The following RFWD3 variants were observed in gnomAD, a reference collection of about 807,000 sequenced individuals.
RFWD3 encodes ring finger and WD repeat domain 3.
Under a neutral mutation model 87.7 loss-of-function variants are expected in RFWD3, and 65 were observed. That is an observed-to-expected ratio of 0.74 (90% confidence interval 0.61 to 0.91). RFWD3 has a LOEUF of 0.91. Among genes scored for constraint, RFWD3 ranks in the 40% least tolerant of loss-of-function variants. RFWD3 has a pLI of 0.00. For synonymous variants in RFWD3, 433 were observed against 352.8 expected (o/e 1.23, Z -2.55); for missense variants, 1,078 against 938.5 (o/e 1.15, Z -1.94).
chr16:74,644,717 C>G lies in RFWD3; in HGVS notation c.811G>C (p.Glu271Gln). 16 of 1,613,972 alleles carry G rather than the reference C, an allele frequency of 9.9e-6. No homozygotes were observed. The highest frequency in any genetic ancestry group is 1.4e-5 in the Non-Finnish European group (16 of 1,179,906). Residue 271 changes from glutamate (E) to glutamine (Q), a missense_variant, in exon 5 of 13, where the codon GAG becomes CAG. Coordinates refer to ENST00000361070, the MANE Select transcript of RFWD3 (RefSeq NM_018124.4). Reference protein sequence around the residue: ...LPKQPSPQKSEPLLPSASMDE... With the variant: ...LPKQPSPQKSQPLLPSASMDE... ...ATAGAAGCAGAAGGTAGCAGAGGCTCAGACTTCTGGGGAGATGGCTAGATG... is the reference window on the plus strand; with the variant it reads ...ATAGAAGCAGAAGGTAGCAGAGGCTGAGACTTCTGGGGAGATGGCTAGATG...
intron 11 of RFWD3, 62 bp downstream of exon 11, chr16:74,628,390 C>T (rs998733074): frequency 2.3e-5 from 35 of 1,514,162 alleles, no homozygotes; most frequent in Non-Finnish European, 3.1e-5. Flanking sequence ...ATCAAACCCT[C>T]CTTCCCTTTT....
intron 9 of RFWD3, among the ~76,000 whole-genome samples, 162 bp from the exon 10 acceptor site, chr16:74,631,119 C>T (rs992266060): frequency 2.6e-5 from 4 of 152,208 alleles, no homozygotes; most frequent in Non-Finnish European, 4.4e-5. Flanking sequence ...GCCCAGGTAA[C>T]TCCTTTAAAT....
rs778680421 is a variant in RFWD3 at position 74,630,829 on chromosome 16, AC to A, written c.1705del (p.Val569CysfsTer11). 6.2e-7 allele frequency: 1 copy of A among 1,613,248 alleles called. No homozygotes were observed. Among genetic ancestry groups the A allele is most frequent in the South Asian group, 1.1e-5 (1 of 90,938 alleles). ...LANGSILVYDVRNTSSHVQEL... is the reference protein window; with the variant it reads ...LANGSILVYDXRNTSSHVQEL... ...CTGCACATGACTGCTCGTGTTTCGC[AC>A]GTCATATACCAGAATTGAACCATTG... On this transcript the variant is annotated frameshift_variant, in exon 10 of 13. Coordinates refer to ENST00000361070, the MANE Select transcript of RFWD3 (RefSeq NM_018124.4). LOFTEE classifies it high-confidence loss of function.
rs1471596203 is a variant in RFWD3 at position 74,621,825 on chromosome 16, G to C, written c.*2103C>G. 2 of 152,174 alleles carry C rather than the reference G, an allele frequency of 1.3e-5. No individual in the cohort carries two copies. The highest frequency in any genetic ancestry group is 2.9e-5 in the Non-Finnish European group (2 of 68,114). The allele number at this position is 152,174 out of a possible 1,614,324, so 9.4% of individuals were successfully genotyped here. A position where few individuals can be genotyped will look rare whatever the true frequency, so the allele number is the denominator to read the frequency against. Reference sequence around the variant, plus strand: ...TTCTCCTGCCTCAGCCTCCCAAGTAGCTGGGACTACAGGCATGCGCACCAC... The same window carrying C: ...TTCTCCTGCCTCAGCCTCCCAAGTACCTGGGACTACAGGCATGCGCACCAC... On this transcript the variant is annotated 3_prime_UTR_variant, in exon 13 of 13. Transcript: ENST00000361070.
At chr16:74,649,739 A>G (rs1203718778) in intron 3 of RFWD3, among the ~76,000 whole-genome samples, 1 of 152,206 alleles carries the variant, frequency 6.6e-6, no homozygotes, top group East Asian at 1.9e-4. Context: ...TTGCAATCAG[A>G]ATCCAAAAAA....
At chr16:74,643,877 C>T (rs778044131) in intron 6 of RFWD3, 5 of 166,840 alleles carry the variant, frequency 3.0e-5, no homozygotes, top group Non-Finnish European at 6.6e-5. Context: ...CGGGGTTTCA[C>T]CGTGTTAGCC....
chr16:74,630,693 T>C, intron 10 of RFWD3, 88 bp downstream of exon 10: 2 of 1,173,298 alleles, frequency 1.7e-6, no homozygotes, highest in Non-Finnish European at 2.3e-6. Flanking sequence ...TCTGACTAAC[T>C]GTGGAACACC....
intron 2 of RFWD3, among the ~76,000 whole-genome samples, chr16:74,657,648 G>A (rs965942302): frequency 6.6e-6 from 1 of 151,852 alleles, no homozygotes; most frequent in East Asian, 1.9e-4. Context: ...ACTAATTTTT[G>A]TATTTTTAGT....
intron 2 of RFWD3, among the ~76,000 whole-genome samples, chr16:74,658,593 G>A (rs1487187596): frequency 7.9e-5 from 12 of 152,266 alleles, no homozygotes; most frequent in African/African-American, 2.4e-4. Context: ...AGGGAAAAAA[G>A]TTTTAATCAC....
intron 4 of RFWD3, among the ~76,000 whole-genome samples, chr16:74,645,063 C>T (rs1487334001): frequency 6.6e-6 from 1 of 151,992 alleles, no homozygotes; most frequent in Non-Finnish European, 1.5e-5. Context: ...AAAAAGAAAA[C>T]AAAGGATACA....
chr16:74,637,623 ACT>A (rs1468029562), intron 7 of RFWD3, among the ~76,000 whole-genome samples: 1 of 152,078 alleles, frequency 6.6e-6, no homozygotes, highest in Admixed American at 6.6e-5. Flanking sequence ...ACAGAGTGAG[ACT>A]CTGCCTCAAA....
At chr16:74,645,949 C>T (rs1157645580) in intron 4 of RFWD3, among the ~76,000 whole-genome samples, 7 of 150,946 alleles carry the variant, frequency 4.6e-5, no homozygotes, top group African/African-American at 1.2e-4. Flanking sequence ...GGGGTTTCAC[C>T]GTGTTAGTTA....
chr16:74,664,559 C>A (rs537506836), intron 1 of RFWD3: 6 of 152,148 alleles, frequency 3.9e-5, no homozygotes, highest in Non-Finnish European at 7.3e-5. Flanking sequence ...CCAGCCTGGG[C>A]AACACGGCAA....
intron 1 of RFWD3, among the ~76,000 whole-genome samples, chr16:74,662,491 A>C (rs537085655): frequency 1.8e-4 from 27 of 152,342 alleles, no homozygotes; most frequent in Non-Finnish European, 2.6e-4. Context: ...TACATGAAAA[A>C]AATTATAGAT....
intron 6 of RFWD3, among the ~76,000 whole-genome samples, chr16:74,640,442 C>T (rs1043008035): frequency 6.6e-6 from 1 of 151,784 alleles, no homozygotes; most frequent in Non-Finnish European, 1.5e-5. Flanking sequence ...ATGCGCCCGC[C>T]CGGAAACTTA....
chr16:74,640,985 CT>C (rs201546947), intron 6 of RFWD3, among the ~76,000 whole-genome samples: 41 of 151,112 alleles, frequency 2.7e-4, no homozygotes, highest in African/African-American at 8.0e-4. Flanking sequence ...GAAATCTCTC[CT>C]TTTTTTTTAA....
At chr16:74,627,303 A>T (rs549036000) in intron 11 of RFWD3, among the ~76,000 whole-genome samples, 7 of 152,170 alleles carry the variant, frequency 4.6e-5, no homozygotes, top group African/African-American at 1.7e-4. Flanking sequence ...GGGCTAGCAT[A>T]AATTATTTGA....
chr16:74,665,434 C>T (rs570630221), intron 1 of RFWD3, among the ~76,000 whole-genome samples: 3 of 151,986 alleles, frequency 2.0e-5, no homozygotes, highest in East Asian at 2.0e-4. Context: ...AAAAACTACC[C>T]GGGTGTGGTG....
chr16:74,625,343 A>G (rs1181389565), intron 12 of RFWD3, among the ~76,000 whole-genome samples: 1 of 152,066 alleles, frequency 6.6e-6, no homozygotes, highest in African/African-American at 2.4e-5. Context: ...AAACATGGCA[A>G]AACCCTGTCT....
Sources: gnomAD v4.1 joint callset for allele counts (sites outside exome capture counted in the v4.1 genomes callset) on GRCh38, gnomAD v4.1.1 for gene constraint, MANE v1.5 for transcripts, NCBI Gene and HGNC (gene_info 2026-07-23, HGNC 2026-07-21) for gene names.